PDGFRA: variants seen among roughly 807,000 people sequenced by gnomAD.
The protein encoded by PDGFRA is platelet derived growth factor receptor alpha, also known as platelet-derived growth factor receptor alpha.
In PDGFRA, 25 loss-of-function variants were observed where a neutral mutation model predicts 121.5. The ratio of observed to expected loss-of-function variants is 0.21; its 90% CI spans 0.15 to 0.29. PDGFRA has a LOEUF of 0.29. Ranked by LOEUF, PDGFRA falls within the 10% of genes least tolerant of loss-of-function variation. PDGFRA has a pLI of 1.00. For missense variants in PDGFRA, 1,008 were observed against 1,345.1 expected (o/e 0.75, Z 3.92); for synonymous variants, 463 against 494.8 (o/e 0.94, Z 0.85).
At chr4:54,268,461 A>G (rs7686588) in intron 7 of PDGFRA, among the ~76,000 whole-genome samples, 30,133 of 152,122 alleles carry the variant, frequency 0.2, 3,784 homozygotes, top group African/African-American at 0.32. Flanking sequence ...GAGTCAGAAG[A>G]TACATCTCAC....
intron 8 of PDGFRA, among the ~76,000 whole-genome samples, chr4:54,271,210 A>G (rs537188317): frequency 6.2e-4 from 95 of 152,296 alleles, no homozygotes; most frequent in African/African-American, 2.0e-3. Flanking sequence ...GACATTGTAC[A>G]GTGGTCCTTA....
At chr4:54,290,180 C>T (rs1724552351) in intron 21 of PDGFRA, 133 bp from the exon 22 acceptor site, 1 of 753,800 alleles carries the variant, frequency 1.3e-6, no homozygotes, top group African/African-American at 1.7e-5. Flanking sequence ...GACTCTCCTT[C>T]AACTAAGTCC....
At chr4:54,234,075 T>G (rs531875716) in intron 1 of PDGFRA, among the ~76,000 whole-genome samples, 1 of 152,296 alleles carries the variant, frequency 6.6e-6, no homozygotes, top group Admixed American at 6.5e-5. Flanking sequence ...CGAGTCCGGC[T>G]GAGCCTCTGC....
At chr4:54,285,140 C>T (rs546122310) in intron 16 of PDGFRA, among the ~76,000 whole-genome samples, 2 of 152,160 alleles carry the variant, frequency 1.3e-5, no homozygotes, top group East Asian at 3.9e-4. Context: ...AGGCAATCCA[C>T]CCACCTCGGC....
At chr4:54,286,052 G>GT in intron 18 of PDGFRA, 89 bp downstream of exon 18, 2 of 1,374,804 alleles carry the variant, frequency 1.5e-6, no homozygotes, top group East Asian at 2.3e-5. Context: ...TTCGGTGCCT[G>GT]TTTTTTAAAA....
intron 16 of PDGFRA, chr4:54,281,953 GAAAAT>G (rs1479923276): frequency 9.1e-7 from 1 of 1,096,922 alleles, no homozygotes; most frequent in Non-Finnish European, 1.1e-6. Context: ...GCTTTAAAAA[GAAAAT>G]AAAGCAATTC....
chr4:54,253,021 CTG>C (rs1316292843), intron 1 of PDGFRA, among the ~76,000 whole-genome samples: 1 of 151,340 alleles, frequency 6.6e-6, no homozygotes, highest in African/African-American at 2.4e-5. Flanking sequence ...GTTTCTGTGA[CTG>C]TATATATTGG....
At chr4:54,244,718 GA>G (rs1426138268) in intron 1 of PDGFRA, among the ~76,000 whole-genome samples, 7 of 152,238 alleles carry the variant, frequency 4.6e-5, no homozygotes, top group Admixed American at 2.0e-4. Flanking sequence ...GCTGGACGGA[GA>G]ATGACTTTGA....
intron 16 of PDGFRA, among the ~76,000 whole-genome samples, chr4:54,284,508 G>T (rs558553084): frequency 1.3e-5 from 2 of 151,634 alleles, no homozygotes; most frequent in Non-Finnish European, 2.9e-5. Flanking sequence ...CATGGTGGAA[G>T]GTAAAGGGGG....
intron 16 of PDGFRA, among the ~76,000 whole-genome samples, chr4:54,282,404 G>A (rs1016888720): frequency 9.9e-5 from 15 of 151,304 alleles, no homozygotes; most frequent in South Asian, 4.1e-4. Context: ...AAGAGCAAGC[G>A]AGAGAGAGAA....
At chr4:54,278,675 G>C (rs1207292376) in intron 15 of PDGFRA, 160 bp downstream of exon 15, 1 of 692,612 alleles carries the variant, frequency 1.4e-6, no homozygotes. Flanking sequence ...GTCATGCAGA[G>C]AGATGCATGA....
chr4:54,269,426 C>T (rs982353638), intron 7 of PDGFRA, among the ~76,000 whole-genome samples: 9 of 151,978 alleles, frequency 5.9e-5, no homozygotes, highest in African/African-American at 2.2e-4. Context: ...CTTTTCTTCT[C>T]CATTCCAGTT....
At chr4:54,239,574 C>T (rs898543841) in intron 1 of PDGFRA, among the ~76,000 whole-genome samples, 7 of 152,180 alleles carry the variant, frequency 4.6e-5, no homozygotes, top group Non-Finnish European at 7.3e-5. Context: ...TGGGCTTCAC[C>T]GGTGGGTGAG....
rs368628287 is a variant in PDGFRA, at chr4:54,294,241, G to A, written c.3123-884G>A. Among the ~76,000 whole-genome samples, 14 of 152,030 alleles carry A rather than the reference G, an allele frequency of 9.2e-5. 1 individual carries two copies. The highest frequency in any genetic ancestry group is 2.7e-4 in the African/African-American group (11 of 41,442). ...TTGGGGGTCTGCGATGGAACTTCAC[G>A]GGGGTCGGGGAAGGCTGGGCAGTGA... On this transcript the variant is annotated intron_variant, in intron 22 of 22. Coordinates refer to ENST00000257290, the MANE Select transcript of PDGFRA (RefSeq NM_006206.6).
intron 22 of PDGFRA, among the ~76,000 whole-genome samples, chr4:54,291,358 C>T (rs1724623334): frequency 6.6e-6 from 1 of 152,156 alleles, no homozygotes; most frequent in East Asian, 1.9e-4. Context: ...AACTACAATG[C>T]CGTTATCTCA....
rs1723998226 is a variant in PDGFRA at position 54,280,303 on chromosome 4, T to C, written c.2157-13T>C. 13 of 1,612,222 alleles carry C rather than the reference T, an allele frequency of 8.1e-6. No homozygotes were observed. The highest frequency in any genetic ancestry group is 1.0e-5 in the Non-Finnish European group (12 of 1,178,550). On this transcript the variant is annotated splice_polypyrimidine_tract_variant and intron_variant, in intron 15 of 22. Transcript: ENST00000257290. ...GGGCACCCTGGGTAAGATTTCTCTT[T>C]CTGTTTTTACAGCTATGTTATTTTA...
At chr4:54,271,934 C>CCCCT (rs1723396932) in intron 8 of PDGFRA, among the ~76,000 whole-genome samples, 1 of 59,762 alleles carries the variant, frequency 1.7e-5, no homozygotes. Flanking sequence ...TTTCCTTTCT[C>CCCCT]TCCTTCCTTC....
At chr4:54,250,630 A>T (rs894293465) in intron 1 of PDGFRA, among the ~76,000 whole-genome samples, 6 of 152,204 alleles carry the variant, frequency 3.9e-5, no homozygotes, top group African/African-American at 1.4e-4. Context: ...TTCTTTGTCA[A>T]TTGCATCTTT....
intron 5 of PDGFRA, chr4:54,265,390 C>T (rs758086772): frequency 5.8e-5 from 19 of 328,104 alleles, no homozygotes; most frequent in Non-Finnish European, 9.0e-5. Context: ...TTTACTATTG[C>T]GGAGACAGTG....
Sources: gnomAD v4.1 joint callset for allele counts (sites outside exome capture counted in the v4.1 genomes callset) on GRCh38, gnomAD v4.1.1 for gene constraint, MANE v1.5 for transcripts, NCBI Gene and HGNC (gene_info 2026-07-23, HGNC 2026-07-21) for gene names.